DSCAML1: variants seen among roughly 807,000 people sequenced by gnomAD.
The protein encoded by DSCAML1 is DS cell adhesion molecule like 1.
Under a neutral mutation model 200.5 loss-of-function variants are expected in DSCAML1, and 38 were observed. The observed-to-expected ratio is 0.19, with a 90% CI of 0.15 to 0.25. The LOEUF (loss-of-function observed/expected upper bound fraction) is 0.25, where lower values mean the gene tolerates loss of function less well. Among genes scored for constraint, DSCAML1 ranks in the 10% least tolerant of loss-of-function variants. DSCAML1 has a pLI of 1.00. For missense variants in DSCAML1, 2,223 were observed against 2,858.8 expected (o/e 0.78, Z 5.07); for synonymous variants, 1,215 against 1,165.0 (o/e 1.04, Z -0.87).
At chr11:117,473,465 C>G (rs777952100) in intron 14 of DSCAML1, among the ~76,000 whole-genome samples, 1 of 152,088 alleles carries the variant, frequency 6.6e-6, no homozygotes, top group Non-Finnish European at 1.5e-5. Flanking sequence ...CCACTGCACT[C>G]CAGCCTGGGC....
chr11:117,662,255 G>T (rs2052870971), intron 3 of DSCAML1, among the ~76,000 whole-genome samples: 2 of 152,246 alleles, frequency 1.3e-5, no homozygotes, highest in African/African-American at 4.8e-5. Context: ...AGAAGAGAAG[G>T]CTGAAGCAGG....
rs981313897 is a variant in DSCAML1 at position 117,473,474 on chromosome 11, G to A, written c.2786-1438C>T. On this transcript the variant is annotated intron_variant, in intron 14 of 32. Coordinates refer to ENST00000651296, the MANE Select transcript of DSCAML1 (RefSeq NM_020693.4). ...ATCATGCCACTGCACTCCAGCCTGG[G>A]CAACAGAACGAGACTCCATCTCAAA... is the stretch of plus-strand genomic sequence containing the variant. Among the ~76,000 whole-genome samples, 10 of 152,208 alleles carry A rather than the reference G, an allele frequency of 6.6e-5. 1 individual carries two copies. In the Middle Eastern group the frequency reaches 0.01, roughly 155 times the overall value.
At chr11:117,561,584 C>G (rs955085159) in intron 3 of DSCAML1, among the ~76,000 whole-genome samples, 5 of 152,194 alleles carry the variant, frequency 3.3e-5, no homozygotes, top group Non-Finnish European at 5.9e-5. Context: ...TTCTCCTCTC[C>G]TCTCCTCTCC....
At position 117,719,227 on chromosome 11, in the gene DSCAML1, G is replaced by A. The variant is rs535598453; in HGVS notation, c.511+57564C>T. 2.6e-5 allele frequency among the ~76,000 whole-genome samples: 4 copies of A among 152,288 alleles called. No homozygotes were observed. In the South Asian group the frequency reaches 8.3e-4, roughly 32 times the overall value. ...AGACAGGCGGATCGCTGGAGGTCAGGAGTTCGAGATCAGCCTGGCCAGCAT... is the reference window on the plus strand; with the variant it reads ...AGACAGGCGGATCGCTGGAGGTCAGAAGTTCGAGATCAGCCTGGCCAGCAT... On this transcript the variant is annotated intron_variant, in intron 3 of 32. Coordinates refer to ENST00000651296, the MANE Select transcript of DSCAML1 (RefSeq NM_020693.4).
intron 3 of DSCAML1, among the ~76,000 whole-genome samples, chr11:117,602,336 G>A (rs928909533): frequency 1.6e-4 from 25 of 152,176 alleles, no homozygotes; most frequent in Non-Finnish European, 3.5e-4. Flanking sequence ...CCAGCTGCCT[G>A]TGACTCCTGG....
At chr11:117,629,506 G>T (rs909839293) in intron 3 of DSCAML1, among the ~76,000 whole-genome samples, 2 of 147,038 alleles carry the variant, frequency 1.4e-5, no homozygotes, top group African/African-American at 4.9e-5. Flanking sequence ...AGCAGACAAG[G>T]GGGCCTGGAC....
At chr11:117,658,106 C>T (rs962390999) in intron 3 of DSCAML1, among the ~76,000 whole-genome samples, 4 of 152,106 alleles carry the variant, frequency 2.6e-5, no homozygotes, top group Non-Finnish European at 5.9e-5. Context: ...ACAACAAAGG[C>T]TTCGTGGTGA....
intron 8 of DSCAML1, among the ~76,000 whole-genome samples, chr11:117,511,660 C>T (rs1451940120): frequency 6.6e-6 from 1 of 152,182 alleles, no homozygotes; most frequent in African/African-American, 2.4e-5. Context: ...CACCCTCCAC[C>T]CTCTCTCCTC....
intron 1 of DSCAML1, among the ~76,000 whole-genome samples, chr11:117,804,301 C>T (rs2055690085): frequency 6.6e-6 from 1 of 152,240 alleles, no homozygotes; most frequent in South Asian, 2.1e-4. Flanking sequence ...CCATCTCATA[C>T]CCACTGGCTT....
At chr11:117,470,312 A>AAAGTG (rs1363282935) in intron 15 of DSCAML1, among the ~76,000 whole-genome samples, 3 of 152,158 alleles carry the variant, frequency 2.0e-5, no homozygotes, top group African/African-American at 7.2e-5. Context: ...GCGGTGGCTC[A>AAAGTG]CACCTGTAAT....
At chr11:117,664,347 A>G (rs2052928452) in intron 3 of DSCAML1, among the ~76,000 whole-genome samples, 1 of 152,238 alleles carries the variant, frequency 6.6e-6, no homozygotes, top group African/African-American at 2.4e-5. Flanking sequence ...ATTTATATGA[A>G]TAAGTACATT....
rs1354541922 is a variant in DSCAML1 at position 117,437,887 on chromosome 11, G to A, written c.4432+8C>T. On this transcript the variant is annotated splice_region_variant and intron_variant, in intron 25 of 32. Transcript: ENST00000651296. This position sits in a 1 kb window ranked among gnomAD's most constrained non-coding sequence, Gnocchi z 5.3. ...GCTCCTTCCCTGCCCCAGTGGCCTGGGCCTCACCCCGCCCGTGGGTCTTGG... is the reference window on the plus strand; with the variant it reads ...GCTCCTTCCCTGCCCCAGTGGCCTGAGCCTCACCCCGCCCGTGGGTCTTGG... The A allele has an allele frequency of 1.9e-6, 3 of 1,600,226 alleles. No homozygotes were observed. Among genetic ancestry groups the A allele is most frequent in the Non-Finnish European group, 2.6e-6 (3 of 1,175,620 alleles).
chr11:117,514,290 T>C (rs1286775778), intron 8 of DSCAML1, among the ~76,000 whole-genome samples: 2 of 152,228 alleles, frequency 1.3e-5, no homozygotes. Context: ...CCCTCCCCAC[T>C]GCCCTGGGTT....
At chr11:117,794,621 G>A (rs894734750) in intron 1 of DSCAML1, among the ~76,000 whole-genome samples, 1 of 151,988 alleles carries the variant, frequency 6.6e-6, no homozygotes, top group Non-Finnish European at 1.5e-5. Context: ...ATTGTTTTCT[G>A]TAACAGGCTC....
upstream of DSCAML1, chr11:117,800,955 C>G (rs1349727332): frequency 6.6e-6 from 1 of 152,142 alleles, no homozygotes; most frequent in African/African-American, 2.4e-5. Context: ...TTCATATGCC[C>G]TCTGGAATTC....
At chr11:117,589,164 G>A (rs1565810317) in intron 3 of DSCAML1, among the ~76,000 whole-genome samples, 1 of 150,214 alleles carries the variant, frequency 6.7e-6, no homozygotes, top group Non-Finnish European at 1.5e-5. Flanking sequence ...CTAAGAGGGG[G>A]CCTGTAAATA....
chr11:117,445,946 T>C (rs2137104898), intron 20 of DSCAML1, among the ~76,000 whole-genome samples: 1 of 152,264 alleles, frequency 6.6e-6, no homozygotes, highest in African/African-American at 2.4e-5. Flanking sequence ...AGGCAAGCTA[T>C]GAAAGAAGAA....
intron 29 of DSCAML1, 106 bp from the exon 30 acceptor site, chr11:117,432,610 T>G (rs1464072089): frequency 7.5e-6 from 10 of 1,341,004 alleles, no homozygotes; most frequent in Non-Finnish European, 3.1e-6. Context: ...GTTTTTTGTT[T>G]GTGGATTTGT....
At position 117,504,815 on chromosome 11, in the gene DSCAML1, C is replaced by T. The variant is rs2049461456; in HGVS notation, c.2182+109G>A. The stretch of plus-strand genomic sequence containing the variant: ...CACTGGGGTGCAGACCAGAGGACTC[C>T]CATCCAGGGATAGGAGTTGCCTGCA... On this transcript the variant is annotated intron_variant, in intron 10 of 32. Coordinates refer to ENST00000651296, the MANE Select transcript of DSCAML1 (RefSeq NM_020693.4). This position sits in a 1 kb window ranked among gnomAD's most constrained non-coding sequence, Gnocchi z 5.0. 7.0e-7 allele frequency: 1 copy of T among 1,426,854 alleles called. No homozygotes were observed. Among genetic ancestry groups the T allele is most frequent in the African/African-American group, 1.4e-5 (1 of 70,296 alleles). The allele number at this position is 1,426,854 out of a possible 1,614,324, so 88.4% of individuals were successfully genotyped here.
Sources: allele counts gnomAD v4.1 joint callset (sites outside exome capture counted in the v4.1 genomes callset), GRCh38; gene constraint gnomAD v4.1.1; non-coding constraint Gnocchi (gnomAD v3.1); transcripts MANE v1.5; gene names NCBI Gene and HGNC (gene_info 2026-07-23, HGNC 2026-07-21).